The following NCOA3 variants were observed in gnomAD, a reference collection of about 807,000 sequenced individuals.
NCOA3 encodes nuclear receptor coactivator 3, also known as CBP-interacting protein.
In NCOA3, 51 loss-of-function variants were observed where a neutral mutation model predicts 158.8. The observed-to-expected ratio is 0.32, with a 90% CI of 0.26 to 0.41. The LOEUF (loss-of-function observed/expected upper bound fraction) is 0.41, where lower values mean the gene tolerates loss of function less well. Among genes scored for constraint, NCOA3 ranks in the 10% least tolerant of loss-of-function variants. The probability of loss-of-function intolerance (pLI) is 1.00; values close to 1 mark genes in which losing one functional copy is unlikely to be tolerated. For synonymous variants in NCOA3, 537 were observed against 592.4 expected (o/e 0.91, Z 1.36); for missense variants, 1,510 against 1,746.6 (o/e 0.86, Z 2.41).
At chr20:47,537,529 A>C (rs890711817) in intron 1 of NCOA3, among the ~76,000 whole-genome samples, 1 of 151,908 alleles carries the variant, frequency 6.6e-6, no homozygotes, top group Non-Finnish European at 1.5e-5. Flanking sequence ...AAAACTGCCA[A>C]ATTAGCTAGT....
chr20:47,503,832 T>G (rs1330833318), intron 1 of NCOA3, among the ~76,000 whole-genome samples: 1 of 152,186 alleles, frequency 6.6e-6, no homozygotes, highest in Non-Finnish European at 1.5e-5. Context: ...CACTAGAGGT[T>G]GCTTCAGGTT....
intron 1 of NCOA3, among the ~76,000 whole-genome samples, chr20:47,559,193 T>C (rs565748587): frequency 2.0e-4 from 31 of 152,298 alleles, no homozygotes; most frequent in African/African-American, 6.5e-4. Flanking sequence ...GTTGAACTTA[T>C]AGGCTTCTGG....
chr20:47,513,741 AAAAAAAT>A (rs1231322623), intron 1 of NCOA3, among the ~76,000 whole-genome samples: 6 of 151,578 alleles, frequency 4.0e-5, no homozygotes, highest in African/African-American at 1.5e-4. Context: ...AAAAAAAAAA[AAAAAAAT>A]TATAAGCAAC....
intron 1 of NCOA3, among the ~76,000 whole-genome samples, chr20:47,522,406 C>CTTTTTTTTTTTTTTTTTT (rs3091963): frequency 4.7e-5 from 6 of 128,162 alleles, no homozygotes; most frequent in African/African-American, 1.8e-4. Context: ...GCGCCCGGCC[C>CTTTTTTTTTTTTTTTTTT]TTTTTTTTTT....
chr20:47,510,348 G>A (rs1405470788), intron 1 of NCOA3, among the ~76,000 whole-genome samples: 2 of 147,316 alleles, frequency 1.4e-5, no homozygotes, highest in African/African-American at 2.5e-5. Flanking sequence ...CAGGAGAATC[G>A]TTTGAACCCT....
At position 47,637,769 on chromosome 20, in the gene NCOA3, G is replaced by A. The variant is rs2086539632; in HGVS notation, c.2498G>A (p.Gly833Glu). Residue 833 changes from glycine (G) to glutamate (E), a missense_variant, in exon 13 of 23, where the codon GGA (glycine) becomes GAA (glutamate). By Grantham distance (98) the Gly-to-Glu change is moderately conservative. This residue lies in a region of NCOA3 where 1,017 missense variants were observed against 1,098.3 expected (regional missense o/e 0.93). Coordinates refer to ENST00000371998, the MANE Select transcript of NCOA3 (RefSeq NM_181659.3). ...GGGACTAAGCAACAGGTGTTTCAAGGAACTAATTCTCTGGGTAAGAATGAA... is the reference window on the plus strand; with the variant it reads ...GGGACTAAGCAACAGGTGTTTCAAGAAACTAATTCTCTGGGTAAGAATGAA... ...HLGTKQQVFQ[G>E]TNSLGLKSSQ... 6.3e-7 allele frequency: 1 copy of A among 1,591,538 alleles called. No individual in the cohort carries two copies.
Position 47,650,478 on chromosome 20 carries a change from T to C in NCOA3, c.3652-504T>C, listed in dbSNP as rs372208936. Among the ~76,000 whole-genome samples the C allele has an allele frequency of 8.6e-3, 1,307 of 151,882 alleles. 21 individuals carry two copies. Among genetic ancestry groups the C allele is most frequent in the African/African-American group, 0.03 (1,251 of 41,464 alleles). On this transcript the variant is annotated intron_variant, in intron 19 of 22. Transcript: ENST00000371998. Reference sequence around the variant, plus strand: ...TTTGGCCAGGCTGGTCTCGAACTCCTGACCTCAAGTGATCCGCCCACCTTG... The same window carrying C: ...TTTGGCCAGGCTGGTCTCGAACTCCCGACCTCAAGTGATCCGCCCACCTTG...
intron 2 of NCOA3, among the ~76,000 whole-genome samples, chr20:47,588,131 CTTTTTTTTT>C (rs33989951): frequency 1.4e-3 from 113 of 78,564 alleles, no homozygotes; most frequent in African/African-American, 4.9e-3. Flanking sequence ...CTCCACCCCA[CTTTTTTTTT>C]TTTTTTTTTT....
chr20:47,559,084 T>C lies in NCOA3; in HGVS notation c.-98-24099T>C, dbSNP rs563916038. Among the ~76,000 whole-genome samples the C allele has an allele frequency of 4.2e-4, 63 of 151,376 alleles. 1 individual carries two copies. Among genetic ancestry groups the C allele is most frequent in the African/African-American group, 9.4e-4 (39 of 41,510 alleles). ...CCATAATCCTTCCCATAGAGCACTATGTGTAATGAGCCTTAAAGGTCCTTA... is the reference window on the plus strand; with the variant it reads ...CCATAATCCTTCCCATAGAGCACTACGTGTAATGAGCCTTAAAGGTCCTTA... On this transcript the variant is annotated intron_variant, in intron 1 of 22. Coordinates refer to ENST00000371998, the MANE Select transcript of NCOA3 (RefSeq NM_181659.3).
intron 2 of NCOA3, among the ~76,000 whole-genome samples, chr20:47,594,845 G>A (rs548802976): frequency 2.8e-5 from 4 of 144,144 alleles, no homozygotes; most frequent in South Asian, 2.2e-4. Flanking sequence ...AGTCTGGAGC[G>A]CAGTACCGCG....
In NCOA3 at chr20:47,588,112, A is replaced by G. The variant is rs571020360; in HGVS notation, c.-20+4851A>G. On this transcript the variant is annotated intron_variant, in intron 2 of 22. Coordinates refer to ENST00000371998, the MANE Select transcript of NCOA3 (RefSeq NM_181659.3). ...TTTAAATTGCTTGGATTAGCCCTCC[A>G]TACCCTTTCTCCACCCCACTTTTTT... Among the ~76,000 whole-genome samples the G allele has an allele frequency of 6.2e-4, 87 of 140,470 alleles. 1 individual carries two copies. The highest frequency in any genetic ancestry group is 1.4e-4 in the Non-Finnish European group (9 of 64,664). 92.2% of individuals were successfully genotyped at this position (140,470 alleles called of 152,430 possible). A position where few individuals can be genotyped will look rare whatever the true frequency, so the allele number is the denominator to read the frequency against.
chr20:47,561,483 C>CT (rs1005729381), intron 1 of NCOA3, among the ~76,000 whole-genome samples: 196 of 144,016 alleles, frequency 1.4e-3, no homozygotes, highest in Middle Eastern at 3.5e-3. Flanking sequence ...TTTTCTTTTT[C>CT]TTTTTTTTTT....
chr20:47,588,509 T>G (rs2085573916), intron 2 of NCOA3, among the ~76,000 whole-genome samples: 2 of 152,146 alleles, frequency 1.3e-5, no homozygotes, highest in Admixed American at 6.6e-5. Context: ...AAAATTAAGT[T>G]TATTTACTTG....
intron 1 of NCOA3, among the ~76,000 whole-genome samples, chr20:47,503,880 TC>T (rs1366784991): frequency 1.3e-5 from 2 of 152,180 alleles, no homozygotes; most frequent in Non-Finnish European, 1.5e-5. Flanking sequence ...TTGCCTGTGA[TC>T]CTAAATTATA....
chr20:47,570,921 A>G (rs2085280099), intron 1 of NCOA3, among the ~76,000 whole-genome samples: 1 of 141,564 alleles, frequency 7.1e-6, no homozygotes, highest in Non-Finnish European at 1.5e-5. Flanking sequence ...GTGCACCGTT[A>G]ATGAGCAGTA....
At chr20:47,648,201 G>GA (rs1271014952) in intron 18 of NCOA3, among the ~76,000 whole-genome samples, 2 of 151,674 alleles carry the variant, frequency 1.3e-5, no homozygotes, top group African/African-American at 4.8e-5. Flanking sequence ...CACCGTGTGC[G>GA]GCCAAATGCC....
In NCOA3 at chr20:47,518,794, G is replaced by A. The variant is rs1190792794; in HGVS notation, c.-99+16775G>A. ...CAAGAAATAGACAATTTGAATCCAC[G>A]CTACCAATCAAGAAGTACTGACTCA... On this transcript the variant is annotated intron_variant, in intron 1 of 22. Transcript: ENST00000371998. Among the ~76,000 whole-genome samples, 7 of 152,052 alleles carry A rather than the reference G, an allele frequency of 4.6e-5. No individual in the cohort carries two copies. The South Asian group carries it at 1.4e-3, about 31-fold the overall frequency.
chr20:47,504,592 C>A (rs1886895814), intron 1 of NCOA3, among the ~76,000 whole-genome samples: 3 of 148,668 alleles, frequency 2.0e-5, no homozygotes, highest in South Asian at 2.1e-4. Flanking sequence ...ATCACGAGGT[C>A]AGGAGTTTGA....
Position 47,639,190 on chromosome 20 carries a change from G to C in NCOA3, c.2695G>C (p.Gly899Arg). 1 of 1,613,312 alleles carries C rather than the reference G, an allele frequency of 6.2e-7. No homozygotes were observed. Among genetic ancestry groups the C allele is most frequent in the Non-Finnish European group, 8.5e-7 (1 of 1,179,412 alleles). The part of the protein sequence containing the change: ...PRMMDSQENY[G>R]SSMGGPNRNV... ...AATGATGGATAGTCAGGAAAATTAT[G>C]GCTCAAGTATGGGTACGTTATTTCT... Residue 899 changes from glycine to arginine, a missense_variant, in exon 14 of 23, where the codon GGC becomes CGC. By Grantham distance (125) the Gly-to-Arg change is moderately radical (BLOSUM62 -2). Coordinates refer to ENST00000371998, the MANE Select transcript of NCOA3 (RefSeq NM_181659.3).
Sources: allele counts gnomAD v4.1 joint callset (sites outside exome capture counted in the v4.1 genomes callset), GRCh38; gene constraint gnomAD v4.1.1; regional missense constraint gnomAD v4.1.1; transcripts MANE v1.5; gene names NCBI Gene and HGNC (gene_info 2026-07-23, HGNC 2026-07-21).